The following ANK1 variants were observed in gnomAD, a reference collection of about 807,000 sequenced individuals.
ANK1 encodes ankyrin-1.
Under a neutral mutation model 210.4 loss-of-function variants are expected in ANK1, and 51 were observed. That is an observed-to-expected ratio of 0.24 (90% CI 0.19 to 0.31). ANK1 has a LOEUF of 0.31. Ranked by LOEUF, ANK1 falls within the 10% of genes least tolerant of loss-of-function variation. The probability of loss-of-function intolerance (pLI) is 1.00; values close to 1 mark genes in which losing one functional copy is unlikely to be tolerated. For missense variants in ANK1, 2,051 were observed against 2,504.4 expected (o/e 0.82, Z 3.86); for synonymous variants, 967 against 1,025.9 (o/e 0.94, Z 1.10).
rs779233713 is a variant in ANK1, at chr8:41,704,033, G to T, written c.2295+8C>A. ...GTTTTCTAAACTCAGGAGAGAGAGT[G>T]TACTCACCGAGCTGACCTCGTTTGG... On this transcript the variant is annotated splice_region_variant and intron_variant, in intron 20 of 42. Coordinates refer to ENST00000289734, the MANE Select transcript of ANK1 (RefSeq NM_000037.4). This position sits in a 1 kb window ranked among gnomAD's most constrained non-coding sequence, Gnocchi z 4.1. 6 of 1,612,968 alleles carry T rather than the reference G, an allele frequency of 3.7e-6. No homozygotes were observed. In the East Asian group the frequency reaches 1.1e-4, roughly 30 times the overall value.
intron 1 of ANK1, among the ~76,000 whole-genome samples, chr8:41,874,733 A>T (rs913891655): frequency 1.3e-5 from 2 of 152,226 alleles, no homozygotes; most frequent in Non-Finnish European, 2.9e-5. Context: ...AAGAAAAAAC[A>T]TGACAACTGA....
In ANK1 at chr8:41,724,288, C is replaced by G. The variant is rs548621024; in HGVS notation, c.711+168G>C. Among the ~76,000 whole-genome samples the G allele has an allele frequency of 2.0e-5, 3 of 152,294 alleles. No homozygotes were observed. In the East Asian group the frequency reaches 5.8e-4, roughly 29 times the overall value. ...TTTCTCAAGACAAAGCAGGTGGAAA[C>G]TGGGGGGTAGATGATCAGAAACCTG... is the stretch of plus-strand genomic sequence containing the variant. On this transcript the variant is annotated intron_variant, in intron 7 of 42. Coordinates refer to ENST00000289734, the MANE Select transcript of ANK1 (RefSeq NM_000037.4).
chr8:41,774,038 ACCAGAATTCCT>A (rs1236408036), intron 1 of ANK1, among the ~76,000 whole-genome samples: 4 of 103,906 alleles, frequency 3.8e-5, no homozygotes, highest in Non-Finnish European at 1.0e-4. Flanking sequence ...AAGAAATAGA[ACCAGAATTCCT>A]AAAGAACAAA....
chr8:41,820,497 C>G (rs979083137), intron 1 of ANK1, among the ~76,000 whole-genome samples: 2 of 152,086 alleles, frequency 1.3e-5, no homozygotes, highest in African/African-American at 4.8e-5. Flanking sequence ...CACCCAGCCA[C>G]CACTCTCATT....
chr8:41,820,218 G>A (rs1804004017), intron 1 of ANK1, among the ~76,000 whole-genome samples: 1 of 151,402 alleles, frequency 6.6e-6, no homozygotes, highest in African/African-American at 2.4e-5. Context: ...GGAATGCAAT[G>A]GTACAATCAT....
At chr8:41,660,578 C>T (rs987015212) in intron 42 of ANK1, 16 of 449,840 alleles carry the variant, frequency 3.6e-5, no homozygotes, top group Non-Finnish European at 6.8e-5. Flanking sequence ...TGGAGATGGT[C>T]GCACAGCGTC....
intron 34 of ANK1, 66 bp from the exon 35 acceptor site, chr8:41,688,296 C>A: frequency 6.5e-7 from 1 of 1,541,026 alleles, no homozygotes; most frequent in South Asian, 1.1e-5. Context: ...CCTGAGGACA[C>A]GGCCTGTGAT....
At chr8:41,843,270 T>C (rs1475591362) in intron 1 of ANK1, among the ~76,000 whole-genome samples, 1 of 152,204 alleles carries the variant, frequency 6.6e-6, no homozygotes, top group Non-Finnish European at 1.5e-5. Flanking sequence ...AGTCAAGGTA[T>C]TCCTGTGTCC....
intron 1 of ANK1, among the ~76,000 whole-genome samples, chr8:41,792,615 C>T (rs575771855): frequency 6.4e-4 from 97 of 152,270 alleles, no homozygotes; most frequent in South Asian, 1.5e-3. Context: ...GCCTCCCGCC[C>T]GCTCACAGCG....
intron 1 of ANK1, among the ~76,000 whole-genome samples, chr8:41,853,722 C>T (rs1192976047): frequency 6.6e-6 from 1 of 151,980 alleles, no homozygotes; most frequent in Non-Finnish European, 1.5e-5. Flanking sequence ...GCTCACTTTC[C>T]CTTGGGATTT....
intron 1 of ANK1, among the ~76,000 whole-genome samples, chr8:41,824,342 CAT>C (rs1409280163): frequency 2.6e-5 from 4 of 152,292 alleles, no homozygotes; most frequent in Middle Eastern, 3.4e-3. Context: ...TCATGCAACA[CAT>C]GTTTATAAAG....
chr8:41,667,962 G>A (rs569817670), intron 39 of ANK1, among the ~76,000 whole-genome samples: 25 of 152,278 alleles, frequency 1.6e-4, no homozygotes, highest in Admixed American at 1.6e-3. Flanking sequence ...ACCAACAAAA[G>A]CCACAACTTT....
At position 41,741,649 on chromosome 8, in the gene ANK1, C is replaced by T. The variant is rs1346580474; in HGVS notation, c.130-7580G>A. Among the ~76,000 whole-genome samples the T allele has an allele frequency of 2.0e-5, 3 of 151,916 alleles. No individual in the cohort carries two copies. The East Asian group carries it at 5.8e-4, about 29-fold the overall frequency. ...TTCCTGACCTCTGCCAAAGCTGAAG[C>T]GATTTACGTGGCCCGCTTCTTAGAG... On this transcript the variant is annotated intron_variant, in intron 2 of 42. Transcript: ENST00000289734.
chr8:41,741,956 C>T (rs1834903049), intron 2 of ANK1, among the ~76,000 whole-genome samples: 1 of 152,208 alleles, frequency 6.6e-6, no homozygotes, highest in Admixed American at 6.5e-5. Flanking sequence ...AGCACACACA[C>T]CTAGAGCTGT....
chr8:41,880,290 A>G (rs1355522680), intron 1 of ANK1, among the ~76,000 whole-genome samples: 2 of 152,182 alleles, frequency 1.3e-5, no homozygotes, highest in African/African-American at 4.8e-5. Context: ...AGAGACTGAA[A>G]TATTTACTGC....
At chr8:41,864,013 G>A (rs1377432687) in intron 1 of ANK1, among the ~76,000 whole-genome samples, 1 of 152,182 alleles carries the variant, frequency 6.6e-6, no homozygotes, top group African/African-American at 2.4e-5. Flanking sequence ...GGGAGGCCGA[G>A]GCGGGTGGAT....
chr8:41,671,464 C>T (rs1286508634), intron 38 of ANK1, among the ~76,000 whole-genome samples: 1 of 152,164 alleles, frequency 6.6e-6, no homozygotes, highest in African/African-American at 2.4e-5. Context: ...CGGTCTTCCC[C>T]AGCCTCATGA....
chr8:41,833,612 G>A (rs1233082571), intron 1 of ANK1, among the ~76,000 whole-genome samples: 2 of 152,192 alleles, frequency 1.3e-5, no homozygotes, highest in African/African-American at 2.4e-5. Context: ...TACAAGTCTA[G>A]GACATCTCCT....
At chr8:41,859,035 T>C (rs1587465070) in intron 1 of ANK1, among the ~76,000 whole-genome samples, 1 of 152,274 alleles carries the variant, frequency 6.6e-6, no homozygotes, top group East Asian at 1.9e-4. Flanking sequence ...AGGTTCAGCT[T>C]GGTGCCGCAG....
Sources: gnomAD v4.1 joint callset for allele counts (sites outside exome capture counted in the v4.1 genomes callset) on GRCh38, gnomAD v4.1.1 for gene constraint, Gnocchi (gnomAD v3.1) non-coding constraint, MANE v1.5 for transcripts, NCBI Gene and HGNC (gene_info 2026-07-23, HGNC 2026-07-21) for gene names.